Variants in SPRED1 observed in about 807,000 individuals in gnomAD.
The protein encoded by SPRED1 is sprouty related EVH1 domain containing 1, also known as sprouty-related, EVH1 domain-containing protein 1.
Under a neutral mutation model 52.3 loss-of-function variants are expected in SPRED1, and 18 were observed. The ratio of observed to expected loss-of-function variants is 0.34; its 90% CI spans 0.24 to 0.51. The LOEUF is 0.51. Ranked by LOEUF, SPRED1 falls within the 20% of genes least tolerant of loss-of-function variation. The probability of loss-of-function intolerance (pLI) is 0.97; values close to 1 mark genes in which losing one functional copy is unlikely to be tolerated. For synonymous variants in SPRED1, 155 were observed against 179.7 expected (o/e 0.86, Z 1.10); for missense variants, 485 against 551.0 (o/e 0.88, Z 1.20).
intron 1 of SPRED1, among the ~76,000 whole-genome samples, chr15:38,259,294 C>G (rs1443205636): frequency 6.6e-6 from 1 of 151,920 alleles, no homozygotes; most frequent in Non-Finnish European, 1.5e-5. Flanking sequence ...CAGTGTTGTC[C>G]AGGCTGGAGG....
Position 38,356,808 on chromosome 15 carries a change from C to T in SPRED1, c.*5144C>T, listed in dbSNP as rs865774437. 1 of 151,478 alleles carries T rather than the reference C, an allele frequency of 6.6e-6. No homozygotes were observed. Among genetic ancestry groups the T allele is most frequent in the Non-Finnish European group, 1.5e-5 (1 of 67,844 alleles). The allele number at this position is 151,478 out of a possible 1,614,324, so 9.4% of individuals were successfully genotyped here. ...TAACTCGCCATATAACCAAAAATAA[C>T]GAATAATCTAAAGGAAAGGTTATTA... On this transcript the variant is annotated 3_prime_UTR_variant, in exon 7 of 7. Coordinates refer to ENST00000299084, the MANE Select transcript of SPRED1 (RefSeq NM_152594.3).
chr15:38,299,327 T>A, intron 1 of SPRED1, 46 bp from the exon 2 acceptor site: 1 of 1,608,474 alleles, frequency 6.2e-7, no homozygotes, highest in East Asian at 2.2e-5. Flanking sequence ...CTTGGCTGTT[T>A]TTTGTTTATG....
chr15:38,276,395 G>C (rs1416145737), intron 1 of SPRED1, among the ~76,000 whole-genome samples: 1 of 151,944 alleles, frequency 6.6e-6, no homozygotes, highest in East Asian at 1.9e-4. Context: ...CCTCCTTTTA[G>C]TGCACTATCA....
At position 38,352,709 on chromosome 15, in the gene SPRED1, A is replaced by G. The variant is rs1024156939; in HGVS notation, c.*1045A>G. The G allele has an allele frequency of 1.3e-5, 2 of 152,162 alleles. No individual in the cohort carries two copies. The highest frequency in any genetic ancestry group is 2.4e-5 in the African/African-American group (1 of 41,456). 9.4% of individuals were successfully genotyped at this position (152,162 alleles called of 1,614,324 possible). A position where few individuals can be genotyped will look rare whatever the true frequency, so the allele number is the denominator to read the frequency against. ...CTTCATGTTGAGATCTTCACGTATC[A>G]TTCTGCTAAACCAGAATATGTTCAG... On this transcript the variant is annotated 3_prime_UTR_variant, in exon 7 of 7. Transcript: ENST00000299084.
intron 1 of SPRED1, chr15:38,298,540 C>A: frequency 3.2e-6 from 1 of 312,542 alleles, no homozygotes; most frequent in South Asian, 2.5e-5. Context: ...GTACACAAAA[C>A]AACATGAGAG....
chr15:38,288,229 G>A (rs1052588362), intron 1 of SPRED1, among the ~76,000 whole-genome samples: 2 of 152,188 alleles, frequency 1.3e-5, no homozygotes, highest in East Asian at 3.9e-4. Context: ...GAAGGTAGAG[G>A]AAGGTACTGG....
chr15:38,346,407 A>T (rs1446093893), intron 5 of SPRED1, among the ~76,000 whole-genome samples: 9 of 152,088 alleles, frequency 5.9e-5, no homozygotes, highest in African/African-American at 2.2e-4. Context: ...AGTTTCTCTT[A>T]CTTTCACGGG....
intron 5 of SPRED1, among the ~76,000 whole-genome samples, chr15:38,348,666 A>C (rs17651402): frequency 0.14 from 20,950 of 152,106 alleles, 1,932 homozygotes; most frequent in Non-Finnish European, 0.2. Flanking sequence ...ATCTGGAAAA[A>C]TAAGAAGTAA....
At chr15:38,253,554 C>A (rs982662309) in intron 1 of SPRED1, among the ~76,000 whole-genome samples, 2 of 152,140 alleles carry the variant, frequency 1.3e-5, no homozygotes, top group Non-Finnish European at 2.9e-5. Flanking sequence ...CACTCACATA[C>A]CAGTCACCAT....
At chr15:38,325,300 G>A (rs80051225) in intron 4 of SPRED1, among the ~76,000 whole-genome samples, 4,997 of 152,280 alleles carry the variant, frequency 0.033, 129 homozygotes, top group African/African-American at 0.051. Context: ...GTTATAAGGT[G>A]TATAAACATA....
At position 38,253,142 on chromosome 15, in the gene SPRED1, G is replaced by C; in HGVS notation, c.-44G>C. ...CGGTGCTGCTGTTGCTCCCCCGCCT[G>C]CTGTTGCTCCTCCATCTCCAGATCG... On this transcript the variant is annotated 5_prime_UTR_variant, in exon 1 of 7. Transcript: ENST00000299084. 6.4e-7 allele frequency: 1 copy of C among 1,559,688 alleles called. No individual in the cohort carries two copies. The highest frequency in any genetic ancestry group is 1.2e-5 in the South Asian group (1 of 84,802).
At chr15:38,322,479 T>C in intron 3 of SPRED1, 70 bp downstream of exon 3, 1 of 1,550,746 alleles carries the variant, frequency 6.4e-7, no homozygotes, top group Non-Finnish European at 8.9e-7. Context: ...TTTCTTAAAG[T>C]TGACCCAAAG....
At chr15:38,263,707 C>T (rs1206844353) in intron 1 of SPRED1, among the ~76,000 whole-genome samples, 1 of 152,082 alleles carries the variant, frequency 6.6e-6, no homozygotes, top group African/African-American at 2.4e-5. Flanking sequence ...TCAGGTTTTG[C>T]TATAGGTTGA....
At chr15:38,254,919 A>G (rs920653835) in intron 1 of SPRED1, among the ~76,000 whole-genome samples, 3 of 152,224 alleles carry the variant, frequency 2.0e-5, no homozygotes, top group Non-Finnish European at 4.4e-5. Context: ...TTTTATTGGT[A>G]TCTTTCAAAA....
intron 1 of SPRED1, among the ~76,000 whole-genome samples, chr15:38,281,424 T>A (rs909642542): frequency 1.3e-5 from 2 of 152,260 alleles, no homozygotes; most frequent in East Asian, 1.9e-4. Flanking sequence ...CGGGAGTCTC[T>A]GTCTGTCACC....
At chr15:38,309,403 C>T (rs1487858013) in intron 2 of SPRED1, among the ~76,000 whole-genome samples, 1 of 152,160 alleles carries the variant, frequency 6.6e-6, no homozygotes, top group Non-Finnish European at 1.5e-5. Flanking sequence ...AGCCTCCCAA[C>T]GTGCTGGGAT....
chr15:38,270,161 C>T (rs1379531838), intron 1 of SPRED1, among the ~76,000 whole-genome samples: 1 of 152,206 alleles, frequency 6.6e-6, no homozygotes, highest in Non-Finnish European at 1.5e-5. Flanking sequence ...CCTGCCTCGG[C>T]CTCCCAAAGT....
chr15:38,318,742 A>G (rs1490093159), intron 2 of SPRED1, among the ~76,000 whole-genome samples: 1 of 152,162 alleles, frequency 6.6e-6, no homozygotes, highest in East Asian at 1.9e-4. Context: ...AACTATATCC[A>G]TGTTGCTGCA....
chr15:38,355,213 C>G lies in SPRED1; in HGVS notation c.*3549C>G, dbSNP rs1015190827. On this transcript the variant is annotated 3_prime_UTR_variant, in exon 7 of 7. Coordinates refer to ENST00000299084, the MANE Select transcript of SPRED1 (RefSeq NM_152594.3). ...TTAGGTGATCCACCCACCTCGGCCT[C>G]CCAAAGTGCTGGGATTACAGGCATG... The G allele has an allele frequency of 1.3e-5, 2 of 152,234 alleles. No homozygotes were observed. Among genetic ancestry groups the G allele is most frequent in the African/African-American group, 2.4e-5 (1 of 41,354 alleles). The allele number at this position is 152,234 out of a possible 1,614,324, so 9.4% of individuals were successfully genotyped here.
Sources: allele counts gnomAD v4.1 joint callset (sites outside exome capture counted in the v4.1 genomes callset), GRCh38; gene constraint gnomAD v4.1.1; transcripts MANE v1.5; gene names NCBI Gene and HGNC (gene_info 2026-07-23, HGNC 2026-07-21).